NSMCE2: variants seen among roughly 807,000 people sequenced by gnomAD.
The protein encoded by NSMCE2 is NSE2 SUMO ligase component of SMC5/6 complex.
NSMCE2 carries 24 observed loss-of-function variants against 23.8 expected under a neutral mutation model. The ratio of observed to expected loss-of-function variants is 1.01; its 90% CI spans 0.73 to 1.42. The LOEUF (loss-of-function observed/expected upper bound fraction) is 1.42. Among genes scored for constraint, NSMCE2 ranks in the 40% most tolerant of loss-of-function variants. The pLI, the probability that NSMCE2 is intolerant of heterozygous loss-of-function variation, is 0.00. For synonymous variants in NSMCE2, 92 were observed against 94.1 expected, an observed-to-expected ratio of 0.98 and a Z score of 0.13; for missense variants, 284 against 296.5, an observed-to-expected ratio of 0.96 and a Z score of 0.31.
intron 5 of NSMCE2, among the ~76,000 whole-genome samples, chr8:125,238,415 T>G (rs1489347980): frequency 6.6e-6 from 1 of 152,180 alleles, no homozygotes; most frequent in Non-Finnish European, 1.5e-5. Context: ...AAACCATATT[T>G]CAATAAATTA....
intron 5 of NSMCE2, among the ~76,000 whole-genome samples, chr8:125,244,644 T>C (rs138533607): frequency 6.6e-6 from 1 of 152,346 alleles, no homozygotes; most frequent in East Asian, 1.9e-4. Context: ...TTTGGGGTGC[T>C]ACTGTTGAAT....
chr8:125,116,922 C>G (rs1012557078), intron 3 of NSMCE2, among the ~76,000 whole-genome samples: 40 of 139,012 alleles, frequency 2.9e-4, no homozygotes, highest in African/African-American at 1.0e-3. Flanking sequence ...GAGCCTCTCT[C>G]TGTCACCCAC....
At chr8:125,159,181 TATC>T (rs905352162) in intron 4 of NSMCE2, among the ~76,000 whole-genome samples, 3 of 152,210 alleles carry the variant, frequency 2.0e-5, no homozygotes, top group African/African-American at 2.4e-5. Flanking sequence ...AGTATACTGT[TATC>T]ATTATTCTAT....
intron 5 of NSMCE2, among the ~76,000 whole-genome samples, chr8:125,187,930 G>C (rs965876743): frequency 3.3e-5 from 5 of 152,110 alleles, no homozygotes; most frequent in African/African-American, 1.2e-4. Flanking sequence ...CACAAATTTA[G>C]ACAGTATATT....
intron 5 of NSMCE2, among the ~76,000 whole-genome samples, chr8:125,260,205 G>C (rs529348596): frequency 6.6e-6 from 1 of 152,306 alleles, no homozygotes; most frequent in South Asian, 2.1e-4. Context: ...TGATGAGTCA[G>C]AATAGTGGAA....
intron 5 of NSMCE2, among the ~76,000 whole-genome samples, chr8:125,303,622 G>A (rs1001678016): frequency 3.3e-5 from 5 of 152,092 alleles, no homozygotes; most frequent in Middle Eastern, 3.2e-3. Context: ...AGTACTTACA[G>A]TGCACTGTAA....
chr8:125,160,991 C>T (rs1317551868), intron 4 of NSMCE2, among the ~76,000 whole-genome samples: 3 of 152,164 alleles, frequency 2.0e-5, no homozygotes, highest in Non-Finnish European at 4.4e-5. Context: ...AGTGTGTAAT[C>T]TCTATACATT....
chr8:125,167,562 G>A (rs1821954319), intron 4 of NSMCE2, among the ~76,000 whole-genome samples: 1 of 152,046 alleles, frequency 6.6e-6, no homozygotes, highest in African/African-American at 2.4e-5. Flanking sequence ...TTGAACCCAG[G>A]AGGCGTAGGT....
chr8:125,117,019 C>CTG (rs1819038780), intron 3 of NSMCE2, among the ~76,000 whole-genome samples: 1 of 151,492 alleles, frequency 6.6e-6, no homozygotes, highest in African/African-American at 2.4e-5. Context: ...TCCCAAGTAG[C>CTG]TGGGACTACA....
At position 125,146,737 on chromosome 8, in the gene NSMCE2, G is replaced by A. The variant is rs183078776; in HGVS notation, c.158-4434G>A. 7.2e-5 allele frequency among the ~76,000 whole-genome samples: 11 copies of A among 152,148 alleles called. No homozygotes were observed. In the East Asian group the frequency reaches 2.1e-3, roughly 29 times the overall value. On this transcript the variant is annotated intron_variant, in intron 3 of 7. Transcript: ENST00000287437. ...CAGGAAGGGGAACGTCACACACTGG[G>A]GCCTGTTGTGAGGTGGGGAGAGTGG... is the stretch of plus-strand genomic sequence containing the variant.
intron 5 of NSMCE2, among the ~76,000 whole-genome samples, chr8:125,189,593 A>G (rs571365251): frequency 6.6e-6 from 1 of 152,322 alleles, no homozygotes; most frequent in South Asian, 2.1e-4. Flanking sequence ...AGCTGCCTAG[A>G]AAAAGAGGGT....
At chr8:125,192,424 A>G (rs1192748851) in intron 5 of NSMCE2, among the ~76,000 whole-genome samples, 1 of 151,632 alleles carries the variant, frequency 6.6e-6, no homozygotes, top group African/African-American at 2.4e-5. Flanking sequence ...TGGTTTACTC[A>G]TTAACTATCT....
In NSMCE2 at chr8:125,194,203, A is replaced by G. The variant is rs73349877; in HGVS notation, c.418+11947A>G. Among the ~76,000 whole-genome samples the G allele has an allele frequency of 9.0e-4, 137 of 152,246 alleles. 1 individual carries two copies. Among genetic ancestry groups the G allele is most frequent in the African/African-American group, 3.0e-3 (123 of 41,560 alleles). On this transcript the variant is annotated intron_variant, in intron 5 of 7. Coordinates refer to ENST00000287437, the MANE Select transcript of NSMCE2 (RefSeq NM_173685.4). ...ACAATCAGTTGTCCTGCACAGTTCT[A>G]TCAATCAACCCCCAACAAAAAATTC...
intron 5 of NSMCE2, among the ~76,000 whole-genome samples, chr8:125,240,119 T>G (rs1480766775): frequency 7.9e-6 from 1 of 126,358 alleles, no homozygotes; most frequent in African/African-American, 4.0e-5. Flanking sequence ...AAGTGTGCAG[T>G]TTTTCTTTTT....
At chr8:125,265,045 T>G (rs1826855776) in intron 5 of NSMCE2, among the ~76,000 whole-genome samples, 1 of 151,976 alleles carries the variant, frequency 6.6e-6, no homozygotes, top group South Asian at 2.1e-4. Flanking sequence ...CAAGTAATAT[T>G]TTATGTAGTA....
intron 5 of NSMCE2, among the ~76,000 whole-genome samples, chr8:125,353,631 TCCC>T (rs1420669335): frequency 6.6e-6 from 1 of 152,172 alleles, no homozygotes; most frequent in Non-Finnish European, 1.5e-5. Flanking sequence ...ACGCCTGTAA[TCCC>T]AGCACTTTGG....
intron 4 of NSMCE2, among the ~76,000 whole-genome samples, chr8:125,177,757 TTC>T (rs1287035046): frequency 1.3e-5 from 2 of 152,224 alleles, no homozygotes; most frequent in South Asian, 2.1e-4. Flanking sequence ...AATGGAAATT[TTC>T]TCTTTCCTTT....
chr8:125,271,150 A>G (rs1350686716), intron 5 of NSMCE2, among the ~76,000 whole-genome samples: 1 of 151,822 alleles, frequency 6.6e-6, no homozygotes, highest in Non-Finnish European at 1.5e-5. Context: ...AATCCCAGCT[A>G]CTCAGGAGGC....
chr8:125,327,797 A>G (rs1305101169), intron 5 of NSMCE2, among the ~76,000 whole-genome samples: 3 of 152,070 alleles, frequency 2.0e-5, no homozygotes, highest in Non-Finnish European at 4.4e-5. Flanking sequence ...TTGTTTTAGG[A>G]TTTAAAGGCA....
Sources: gnomAD v4.1 joint callset for allele counts (sites outside exome capture counted in the v4.1 genomes callset) on GRCh38, gnomAD v4.1.1 for gene constraint, MANE v1.5 for transcripts, NCBI Gene and HGNC (gene_info 2026-07-23, HGNC 2026-07-21) for gene names.